FGF12: variants seen among roughly 807,000 people sequenced by gnomAD.
FGF12 encodes fibroblast growth factor 12B.
Under a neutral mutation model 23.6 loss-of-function variants are expected in FGF12, and 14 were observed. The ratio of observed to expected loss-of-function variants is 0.59; its 90% confidence interval spans 0.39 to 0.93. The LOEUF (loss-of-function observed/expected upper bound fraction) is 0.93, where lower values mean the gene tolerates loss of function less well. Ranked by LOEUF, FGF12 falls within the 40% of genes least tolerant of loss-of-function variation. The pLI, the probability that FGF12 is intolerant of heterozygous loss-of-function variation, is 0.00. For synonymous variants in FGF12, 62 were observed against 77.3 expected (o/e 0.80, Z 1.04); for missense variants, 175 against 217.8 (o/e 0.80, Z 1.24).
At chr3:192,298,063 C>A (rs1715141922) in intron 4 of FGF12, among the ~76,000 whole-genome samples, 1 of 152,186 alleles carries the variant, frequency 6.6e-6, no homozygotes, top group Non-Finnish European at 1.5e-5. Flanking sequence ...CTATTGTATA[C>A]CCGAGACTGA....
chr3:192,551,219 C>T (rs1188450318), intron 2 of FGF12, among the ~76,000 whole-genome samples: 1 of 152,156 alleles, frequency 6.6e-6, no homozygotes, highest in Non-Finnish European at 1.5e-5. Context: ...GGGTCACTTT[C>T]CAGGGGCAGC....
intron 2 of FGF12, among the ~76,000 whole-genome samples, chr3:192,691,603 C>T (rs1717945431): frequency 6.6e-6 from 1 of 151,718 alleles, no homozygotes; most frequent in Non-Finnish European, 1.5e-5. Flanking sequence ...CTTAAATAAA[C>T]AACTTAACAT....
At chr3:192,381,955 A>G (rs1719832121) in intron 2 of FGF12, among the ~76,000 whole-genome samples, 1 of 152,134 alleles carries the variant, frequency 6.6e-6, no homozygotes, top group African/African-American at 2.4e-5. Context: ...AGTCAGACAC[A>G]TAGGACATAT....
At position 192,230,075 on chromosome 3, in the gene FGF12, G is replaced by A. The variant is rs570357892; in HGVS notation, c.229-59419C>T. Among the ~76,000 whole-genome samples the A allele has an allele frequency of 3.3e-5, 5 of 152,176 alleles. No individual in the cohort carries two copies. In the South Asian group the frequency reaches 6.2e-4, roughly 19 times the overall value. ...AATGGCATCAACATTCCTAGGAAGT[G>A]AACTGATCCAAAGAATCTCAGACCC... is the stretch of plus-strand genomic sequence containing the variant. On this transcript the variant is annotated intron_variant, in intron 4 of 5. Transcript: ENST00000445105.
intron 4 of FGF12, among the ~76,000 whole-genome samples, chr3:192,206,039 A>C (rs963271746): frequency 6.6e-6 from 1 of 152,238 alleles, no homozygotes; most frequent in African/African-American, 2.4e-5. Flanking sequence ...AGATGACTCC[A>C]AGAAAACCAT....
At chr3:192,384,595 T>A (rs1362222598) in intron 2 of FGF12, among the ~76,000 whole-genome samples, 1 of 152,214 alleles carries the variant, frequency 6.6e-6, no homozygotes, top group Non-Finnish European at 1.5e-5. Flanking sequence ...TAACAGGTAA[T>A]TCTCACTCAA....
Position 192,143,941 on chromosome 3 carries a change from G to A in FGF12, c.*68C>T. Reference sequence around the variant, plus strand: ...CTCTCCTTGGGTGGATTTACTGGAAGGAAATGGGTAAATGGGAAGGAAGGG... The same window carrying A: ...CTCTCCTTGGGTGGATTTACTGGAAAGAAATGGGTAAATGGGAAGGAAGGG... On this transcript the variant is annotated 3_prime_UTR_variant, in exon 6 of 6. Coordinates refer to ENST00000445105, the MANE Select transcript of FGF12 (RefSeq NM_004113.6). The A allele has an allele frequency of 1.0e-6, 1 of 987,840 alleles. No homozygotes were observed. Among genetic ancestry groups the A allele is most frequent in the Non-Finnish European group, 1.6e-6 (1 of 624,922 alleles). 61.2% of individuals were successfully genotyped at this position (987,840 alleles called of 1,614,324 possible).
chr3:192,660,507 TAAA>T (rs1379594410), intron 2 of FGF12, among the ~76,000 whole-genome samples: 2 of 121,454 alleles, frequency 1.6e-5, no homozygotes, highest in African/African-American at 6.0e-5. Flanking sequence ...ACTTAAAGTA[TAAA>T]AAAAAAAAAA....
chr3:192,483,887 G>A (rs143243938), intron 2 of FGF12, among the ~76,000 whole-genome samples: 2 of 152,228 alleles, frequency 1.3e-5, no homozygotes, highest in East Asian at 3.9e-4. Flanking sequence ...ATTGCTGTAA[G>A]GTTTAACAGG....
chr3:192,433,372 C>G (rs1348858558), intron 2 of FGF12, among the ~76,000 whole-genome samples: 1 of 152,162 alleles, frequency 6.6e-6, no homozygotes, highest in African/African-American at 2.4e-5. Context: ...ACTTGGGAAA[C>G]TCTCCTTAAA....
At position 192,459,150 on chromosome 3, in the gene FGF12, G is replaced by T. The variant is rs116573449; in HGVS notation, c.14-98612C>A. On this transcript the variant is annotated intron_variant, in intron 2 of 5. Coordinates refer to ENST00000445105, the MANE Select transcript of FGF12 (RefSeq NM_004113.6). ...GTCTTTATCAGCAATGTGAAAACAG[G>T]CTAATACATGCAGAGACTTCATCTT... Among the ~76,000 whole-genome samples the T allele has an allele frequency of 7.2e-3, 1,098 of 152,144 alleles. 10 individuals carry two copies. The highest frequency in any genetic ancestry group is 0.025 in the African/African-American group (1,058 of 41,496).
chr3:192,395,237 G>T (rs531859769), intron 2 of FGF12, among the ~76,000 whole-genome samples: 13 of 152,282 alleles, frequency 8.5e-5, no homozygotes, highest in Middle Eastern at 3.4e-3. Flanking sequence ...GCATCAGTGG[G>T]TGCTCTGATA....
intron 2 of FGF12, among the ~76,000 whole-genome samples, chr3:192,502,040 G>C (rs904558688): frequency 3.9e-5 from 6 of 152,188 alleles, no homozygotes; most frequent in African/African-American, 1.4e-4. Context: ...CCTATAGCTA[G>C]ATAGATACCA....
chr3:192,432,447 T>C (rs988262851), intron 2 of FGF12, among the ~76,000 whole-genome samples: 1 of 151,672 alleles, frequency 6.6e-6, no homozygotes, highest in Non-Finnish European at 1.5e-5. Context: ...TAGGAGACCA[T>C]GAATATGATG....
At chr3:192,581,514 G>T (rs1713157956) in intron 2 of FGF12, among the ~76,000 whole-genome samples, 1 of 141,384 alleles carries the variant, frequency 7.1e-6, no homozygotes, top group African/African-American at 2.7e-5. Context: ...ATATATACAG[G>T]AAGAATACAT....
At chr3:192,263,256 C>G (rs1206336017) in intron 4 of FGF12, among the ~76,000 whole-genome samples, 2 of 152,004 alleles carry the variant, frequency 1.3e-5, no homozygotes, top group Non-Finnish European at 2.9e-5. Flanking sequence ...TTAATTATTT[C>G]ATAAACAATT....
intron 4 of FGF12, among the ~76,000 whole-genome samples, chr3:192,279,999 A>C (rs1183683360): frequency 1.3e-5 from 2 of 152,244 alleles, no homozygotes; most frequent in Admixed American, 1.3e-4. Context: ...CATAAGAGAT[A>C]GTTTTGAAAA....
intron 4 of FGF12, among the ~76,000 whole-genome samples, chr3:192,225,963 G>C (rs1718711128): frequency 6.6e-6 from 1 of 152,204 alleles, no homozygotes; most frequent in Non-Finnish European, 1.5e-5. Context: ...GGATGGAATA[G>C]GAAGTGACTG....
chr3:192,158,413 T>C (rs1156592145), intron 5 of FGF12, among the ~76,000 whole-genome samples: 30 of 7,028 alleles, frequency 4.3e-3, no homozygotes, highest in African/African-American at 9.2e-3. Flanking sequence ...TTTTCTTTCT[T>C]TCTCTTTCTT....
Sources: gnomAD v4.1 joint callset for allele counts (sites outside exome capture counted in the v4.1 genomes callset) on GRCh38, gnomAD v4.1.1 for gene constraint, MANE v1.5 for transcripts, NCBI Gene and HGNC (gene_info 2026-07-23, HGNC 2026-07-21) for gene names.